ERI3: variants seen among roughly 807,000 people sequenced by gnomAD.
ERI3 encodes ERI1 exoribonuclease family member 3, also known as ERI1 exoribonuclease 3.
ERI3 carries 18 observed loss-of-function variants against 44.4 expected under a neutral mutation model. The ratio of observed to expected loss-of-function variants is 0.41; its 90% CI spans 0.28 to 0.60. The LOEUF is 0.60. Ranked by LOEUF, ERI3 falls within the 20% of genes least tolerant of loss-of-function variation. The pLI is 0.36. For synonymous variants in ERI3, 183 were observed against 164.8 expected (o/e 1.11, Z -0.84); for missense variants, 294 against 435.5 (o/e 0.68, Z 2.89).
At chr1:44,277,545 T>C (rs1010007173) in intron 7 of ERI3, among the ~76,000 whole-genome samples, 8 of 152,248 alleles carry the variant, frequency 5.3e-5, no homozygotes, top group Admixed American at 5.2e-4. Context: ...CTCCTGTTCC[T>C]ATCATGCCAC....
chr1:44,247,383 T>C (rs531391013), intron 8 of ERI3, among the ~76,000 whole-genome samples: 1 of 152,222 alleles, frequency 6.6e-6, no homozygotes, highest in Non-Finnish European at 1.5e-5. Flanking sequence ...CCCCATTTGG[T>C]ACCCCAAGTG....
intron 7 of ERI3, among the ~76,000 whole-genome samples, chr1:44,260,538 A>T (rs568615193): frequency 6.6e-6 from 1 of 152,344 alleles, no homozygotes; most frequent in Admixed American, 6.5e-5. Flanking sequence ...GAGAGGAGAG[A>T]GGCCCATTGT....
chr1:44,342,308 C>T (rs1232821998), intron 2 of ERI3, among the ~76,000 whole-genome samples: 1 of 152,056 alleles, frequency 6.6e-6, no homozygotes, highest in South Asian at 2.1e-4. Context: ...GTAAAAGAGG[C>T]ACTCATGAAG....
At chr1:44,322,754 T>C in intron 3 of ERI3, 5 of 1,549,906 alleles carry the variant, frequency 3.2e-6, no homozygotes, top group Non-Finnish European at 3.5e-6. Flanking sequence ...AGTACTTCCA[T>C]ACTTCCCAGA....
chr1:44,331,147 A>G (rs1646419491), intron 3 of ERI3, among the ~76,000 whole-genome samples: 1 of 151,908 alleles, frequency 6.6e-6, no homozygotes, highest in African/African-American at 2.4e-5. Context: ...GATCCCACCA[A>G]TCTCCACATT....
At chr1:44,232,410 T>A (rs1410051166) in intron 8 of ERI3, among the ~76,000 whole-genome samples, 11 of 152,204 alleles carry the variant, frequency 7.2e-5, no homozygotes, top group South Asian at 2.1e-4. Context: ...AAGTTTAGAC[T>A]AAAACCCCAG....
chr1:44,318,270 G>A (rs1038519508), intron 4 of ERI3, among the ~76,000 whole-genome samples: 2 of 152,194 alleles, frequency 1.3e-5, no homozygotes, highest in African/African-American at 2.4e-5. Flanking sequence ...GCCTGTCTAC[G>A]TAAGGACAAG....
At chr1:44,265,202 C>A (rs1245536123) in intron 7 of ERI3, among the ~76,000 whole-genome samples, 5 of 152,188 alleles carry the variant, frequency 3.3e-5, no homozygotes, top group Non-Finnish European at 7.3e-5. Context: ...TATCTGCTAC[C>A]CTGGGGACAA....
intron 8 of ERI3, among the ~76,000 whole-genome samples, chr1:44,236,667 G>A (rs1011960443): frequency 6.6e-6 from 1 of 152,078 alleles, no homozygotes; most frequent in Non-Finnish European, 1.5e-5. Context: ...GGAGTGTGGG[G>A]AGCAGGAGGA....
At chr1:44,323,806 T>C (rs979310964) in intron 3 of ERI3, among the ~76,000 whole-genome samples, 7 of 152,210 alleles carry the variant, frequency 4.6e-5, no homozygotes, top group African/African-American at 1.4e-4. Context: ...TTACACTGCT[T>C]GTGAGGGACA....
intron 2 of ERI3, among the ~76,000 whole-genome samples, chr1:44,346,134 T>C (rs891302052): frequency 2.0e-5 from 3 of 152,038 alleles, no homozygotes; most frequent in African/African-American, 7.2e-5. Context: ...AACAAAACAG[T>C]CTCCTCTTCT....
rs377700196 is a variant in ERI3, at chr1:44,318,634, T to C, written c.606+994A>G. Reference sequence around the variant, plus strand: ...AGGAGCAACCTCGAGACCTCCTGTCTGGGCTAAGTCAGCCTCAGGGCCCAC... The same window carrying C: ...AGGAGCAACCTCGAGACCTCCTGTCCGGGCTAAGTCAGCCTCAGGGCCCAC... On this transcript the variant is annotated intron_variant, in intron 4 of 8. Coordinates refer to ENST00000372257, the MANE Select transcript of ERI3 (RefSeq NM_024066.3). 2.0e-5 allele frequency among the ~76,000 whole-genome samples: 3 copies of C among 152,358 alleles called. No homozygotes were observed. In the East Asian group the frequency reaches 5.8e-4, roughly 29 times the overall value.
chr1:44,307,310 T>C (rs1645858098), intron 6 of ERI3, among the ~76,000 whole-genome samples: 3 of 152,094 alleles, frequency 2.0e-5, no homozygotes, highest in Non-Finnish European at 2.9e-5. Flanking sequence ...CAAAGGGCCT[T>C]GGTGAGGAGA....
rs573570689 is a variant in ERI3, at chr1:44,285,062, C to G, written c.759-155G>C. On this transcript the variant is annotated intron_variant, in intron 6 of 8. Coordinates refer to ENST00000372257, the MANE Select transcript of ERI3 (RefSeq NM_024066.3). ...CCCACCCCACCAAAGAAAGGGAACC[C>G]CACCTCCAGCACCATGGACACTGGG... Among the ~76,000 whole-genome samples, 9 of 152,300 alleles carry G rather than the reference C, an allele frequency of 5.9e-5. No individual in the cohort carries two copies. In the East Asian group the frequency reaches 1.7e-3, roughly 29 times the overall value.
chr1:44,323,073 G>A, intron 3 of ERI3: 1 of 652,344 alleles, frequency 1.5e-6, no homozygotes. Context: ...GTTTATTTCA[G>A]AAACAGTTTT....
rs1320459843 is a variant in ERI3, at chr1:44,308,339, G to C, written c.729C>G (p.Val243=). 1 of 1,613,996 alleles carries C rather than the reference G, an allele frequency of 6.2e-7. No homozygotes were observed. Among genetic ancestry groups the C allele is most frequent in the Non-Finnish European group, 8.5e-7 (1 of 1,179,956 alleles). ...LLDPNVKSIF[V]TCGDWDLKVM... ...CTTTTAAGTCCCAGTCTCCACAGGT[G>C]ACAAAAATTGACTTGACGTTTGGAT... The change falls in exon 6 of 9, where the codon GTC becomes GTG. Residue 243 remains valine (V), a synonymous_variant. Coordinates refer to ENST00000372257, the MANE Select transcript of ERI3 (RefSeq NM_024066.3).
At chr1:44,246,818 A>T (rs1216015065) in intron 8 of ERI3, among the ~76,000 whole-genome samples, 1 of 152,184 alleles carries the variant, frequency 6.6e-6, no homozygotes, top group Non-Finnish European at 1.5e-5. Context: ...GTACCAGTGA[A>T]TGTCTGGAAT....
intron 6 of ERI3, among the ~76,000 whole-genome samples, chr1:44,294,090 G>T (rs1393423380): frequency 6.6e-6 from 1 of 152,228 alleles, no homozygotes; most frequent in Non-Finnish European, 1.5e-5. Flanking sequence ...CTGTGCAGGG[G>T]GCAAATGACA....
At chr1:44,301,210 G>A (rs1172008553) in intron 6 of ERI3, among the ~76,000 whole-genome samples, 2 of 152,166 alleles carry the variant, frequency 1.3e-5, no homozygotes, top group Non-Finnish European at 2.9e-5. Flanking sequence ...ACTGAAAGGA[G>A]GGCAGAAGGT....
Sources: allele counts gnomAD v4.1 joint callset (sites outside exome capture counted in the v4.1 genomes callset), GRCh38; gene constraint gnomAD v4.1.1; transcripts MANE v1.5; gene names NCBI Gene and HGNC (gene_info 2026-07-23, HGNC 2026-07-21).